AK9: variants seen among roughly 807,000 people sequenced by gnomAD.
AK9 encodes adenylate kinase domain containing 1.
A neutral mutation model predicts 239.6 loss-of-function variants in AK9; 191 were observed. That is an observed-to-expected ratio of 0.80 (90% CI 0.71 to 0.90). The LOEUF (loss-of-function observed/expected upper bound fraction) is 0.90. Among genes scored for constraint, AK9 ranks in the 40% least tolerant of loss-of-function variants. The pLI is 0.00. For missense variants in AK9, 1,995 were observed against 2,214.7 expected (o/e 0.90, Z 1.99); for synonymous variants, 689 against 721.0 (o/e 0.96, Z 0.71).
intron 17 of AK9, among the ~76,000 whole-genome samples, chr6:109,600,296 G>C (rs1176109829): frequency 2.6e-5 from 4 of 152,194 alleles, no homozygotes; most frequent in African/African-American, 7.2e-5. Context: ...AAGGGCTGTT[G>C]AATTTTCTTG....
At chr6:109,659,527 G>A (rs1800149319) in intron 6 of AK9, 114 bp from the exon 7 acceptor site, 1 of 1,300,574 alleles carries the variant, frequency 7.7e-7, no homozygotes, top group East Asian at 2.9e-5. Flanking sequence ...TTTAAAACCT[G>A]AGCAAATGCA....
intron 24 of AK9, among the ~76,000 whole-genome samples, chr6:109,559,672 G>C (rs1204338053): frequency 6.6e-6 from 1 of 152,150 alleles, no homozygotes; most frequent in Non-Finnish European, 1.5e-5. Context: ...TTTGAATACT[G>C]ATTTTATGTC....
At position 109,600,347 on chromosome 6, in the gene AK9, T is replaced by G. The variant is rs190122228; in HGVS notation, c.1842+10018A>C. ...TCTATTGAGATAATCATGTGGTTTT[T>G]GTCTTTGGTTCTGTTTATATGCTGG... On this transcript the variant is annotated intron_variant, in intron 17 of 40. Transcript: ENST00000424296. 5.0e-3 allele frequency among the ~76,000 whole-genome samples: 759 copies of G among 152,378 alleles called. 7 individuals are homozygous for G. The highest frequency in any genetic ancestry group is 0.037 in the Middle Eastern group (11 of 294).
intron 24 of AK9, among the ~76,000 whole-genome samples, chr6:109,559,018 AT>A (rs1785367036): frequency 6.6e-6 from 1 of 151,678 alleles, no homozygotes; most frequent in Non-Finnish European, 1.5e-5. Context: ...CGCCCGGCTC[AT>A]TTTTATATTT....
At chr6:109,499,012 T>C (rs747886631) in intron 36 of AK9, 32 bp downstream of exon 36, 4 of 1,402,414 alleles carry the variant, frequency 2.9e-6, no homozygotes, top group Non-Finnish European at 3.8e-6. Flanking sequence ...TTTCTTTCTT[T>C]AGTAAATATT....
At chr6:109,562,716 T>C (rs1239458560) in intron 24 of AK9, among the ~76,000 whole-genome samples, 3 of 151,438 alleles carry the variant, frequency 2.0e-5, no homozygotes, top group African/African-American at 7.3e-5. Flanking sequence ...AGGCTCTTGT[T>C]AGTACCCTAC....
chr6:109,659,278 C>G lies in AK9; in HGVS notation c.580G>C (p.Asp194His). ...HRKKKKEAQK[D>H]GKGEEEEEEE... is the part of the protein sequence containing the mutation. ...TCTTCTTCCTCTTCTCCTTTTCCGT[C>G]CTTTTGGGCTTCTTTCTTCTTTTTC... The change falls in exon 7 of 41, where the codon GAC becomes CAC. Residue 194 changes from aspartate to histidine, a missense_variant. Asp to His is a moderately conservative substitution (Grantham distance 81, BLOSUM62 -1). Coordinates refer to ENST00000424296, the MANE Select transcript of AK9 (RefSeq NM_001145128.3). 1 of 1,603,628 alleles carries G rather than the reference C, an allele frequency of 6.2e-7. No individual in the cohort carries two copies. The highest frequency in any genetic ancestry group is 8.5e-7 in the Non-Finnish European group (1 of 1,176,892).
intron 28 of AK9, among the ~76,000 whole-genome samples, chr6:109,529,863 G>C (rs1296774835): frequency 6.6e-6 from 1 of 152,166 alleles, no homozygotes. Flanking sequence ...TGTAAATACA[G>C]ATGAAGCTTC....
intron 3 of AK9, among the ~76,000 whole-genome samples, chr6:109,672,745 C>T (rs752075564): frequency 2.0e-5 from 3 of 152,026 alleles, no homozygotes; most frequent in Non-Finnish European, 4.4e-5. Flanking sequence ...CTGTAAACGC[C>T]TCTGCACCTT....
chr6:109,588,543 A>G (rs1485586750), intron 17 of AK9, among the ~76,000 whole-genome samples: 1 of 152,048 alleles, frequency 6.6e-6, no homozygotes, highest in Non-Finnish European at 1.5e-5. Context: ...CATTACATAG[A>G]TTCTCTGTTT....
chr6:109,633,382 C>T, intron 10 of AK9, 59 bp from the exon 11 acceptor site: 1 of 1,470,538 alleles, frequency 6.8e-7, no homozygotes, highest in Admixed American at 2.4e-5. Flanking sequence ...AAATTAGGAG[C>T]ATTAAATATT....
chr6:109,614,272 T>C lies in AK9; in HGVS notation c.1520A>G (p.Asp507Gly), dbSNP rs1793902968. ...EEGYIQGSQR[D>G]RGSSLVDTEE... ...GGTGTCCACTAAAGAGCTGCCTCTG[T>C]CCCTTTGGGAGCCTTGAATGTACCC... Residue 507 changes from aspartate (D) to glycine (G), a missense_variant, in exon 15 of 41, where the codon GAC (aspartate) becomes GGC (glycine). Physicochemically the swap from Asp to Gly is moderately conservative, Grantham distance 94. Coordinates refer to ENST00000424296, the MANE Select transcript of AK9 (RefSeq NM_001145128.3). The C allele has an allele frequency of 8.4e-6, 13 of 1,551,514 alleles. No homozygotes were observed. The highest frequency in any genetic ancestry group is 1.1e-5 in the Non-Finnish European group (13 of 1,146,766).
At chr6:109,644,913 A>G (rs989575278) in intron 8 of AK9, among the ~76,000 whole-genome samples, 4 of 152,158 alleles carry the variant, frequency 2.6e-5, no homozygotes, top group Admixed American at 6.5e-5. Context: ...TTTTTTCTCT[A>G]CTTTGATGCC....
intron 8 of AK9, among the ~76,000 whole-genome samples, chr6:109,653,243 T>C (rs1401679606): frequency 6.6e-6 from 1 of 152,146 alleles, no homozygotes; most frequent in Non-Finnish European, 1.5e-5. Flanking sequence ...GGTTTTAATA[T>C]TAATACAGGT....
At chr6:109,672,478 T>G (rs1771071027) in intron 3 of AK9, among the ~76,000 whole-genome samples, 1 of 151,934 alleles carries the variant, frequency 6.6e-6, no homozygotes, top group Admixed American at 6.6e-5. Context: ...AGCCCAGAAG[T>G]TTGAGACCAG....
intron 3 of AK9, among the ~76,000 whole-genome samples, chr6:109,672,551 T>C (rs1297446565): frequency 6.6e-6 from 1 of 152,134 alleles, no homozygotes; most frequent in African/African-American, 2.4e-5. Context: ...GGCATAGTTA[T>C]GGTGCATGCC....
intron 5 of AK9, among the ~76,000 whole-genome samples, chr6:109,665,359 T>C (rs1801036478): frequency 6.6e-6 from 1 of 152,222 alleles, no homozygotes. Flanking sequence ...CCAAGGCATC[T>C]ATCCTATTGG....
At chr6:109,609,893 AT>A (rs536530109) in intron 17 of AK9, among the ~76,000 whole-genome samples, 63 of 151,376 alleles carry the variant, frequency 4.2e-4, no homozygotes, top group Non-Finnish European at 6.0e-4. Context: ...GCATTTGAGG[AT>A]TTTTTTTTCC....
chr6:109,667,676 G>C (rs971231660), intron 5 of AK9, among the ~76,000 whole-genome samples: 2 of 151,990 alleles, frequency 1.3e-5, no homozygotes, highest in Admixed American at 6.6e-5. Context: ...CCTTGCGATA[G>C]TTTGCTGAGA....
Sources: allele counts gnomAD v4.1 joint callset (sites outside exome capture counted in the v4.1 genomes callset), GRCh38; gene constraint gnomAD v4.1.1; transcripts MANE v1.5; gene names NCBI Gene and HGNC (gene_info 2026-07-23, HGNC 2026-07-21).